Variants in SZRD1 observed in about 807,000 individuals in gnomAD.
SZRD1 encodes the protein SUZ RNA-binding domain-containing.
Under a neutral mutation model 17.6 loss-of-function variants are expected in SZRD1, and 7 were observed. The observed-to-expected ratio is 0.40, with a 90% CI of 0.23 to 0.75. SZRD1 has a LOEUF of 0.75. SZRD1 is among the 30% of genes least tolerant of loss of function. The probability of loss-of-function intolerance (pLI) is 0.38; values close to 1 mark genes in which losing one functional copy is unlikely to be tolerated. For synonymous variants in SZRD1, 77 were observed against 77.9 expected, an observed-to-expected ratio of 0.99 and a Z score of 0.06; for missense variants, 178 against 201.8, an observed-to-expected ratio of 0.88 and a Z score of 0.71.
Position 16,391,234 on chromosome 1 carries a change from C to G in SZRD1, c.52-141C>G. 1 of 665,510 alleles carries G rather than the reference C, an allele frequency of 1.5e-6. No individual in the cohort carries two copies. The highest frequency in any genetic ancestry group is 2.6e-6 in the Non-Finnish European group (1 of 382,356). The allele number at this position is 665,510 out of a possible 1,614,324, so 41.2% of individuals were successfully genotyped here. A position where few individuals can be genotyped will look rare whatever the true frequency, so the allele number is the denominator to read the frequency against. Reference sequence around the variant, plus strand: ...GTATCAGGTCCCCAAACCCCAAAATCTAGTCCACATTTGTTATGTTGAAGG... The same window carrying G: ...GTATCAGGTCCCCAAACCCCAAAATGTAGTCCACATTTGTTATGTTGAAGG... On this transcript the variant is annotated intron_variant, in intron 1 of 3. Transcript: ENST00000401088. This position sits in a 1 kb window ranked among gnomAD's most constrained non-coding sequence, Gnocchi z 4.3.
Position 16,393,308 on chromosome 1 carries a change from G to A in SZRD1, c.182G>A (p.Arg61His), listed in dbSNP as rs376599536. 6 of 1,613,990 alleles carry A rather than the reference G, an allele frequency of 3.7e-6. No homozygotes were observed. The highest frequency in any genetic ancestry group is 5.1e-6 in the Non-Finnish European group (6 of 1,180,024). ...CCCGCGGGGCCCCCTCCACAGATCC[G>A]CATCCTCAAGAGGCCCACCAGCAAC... ...SLPAGPPPQIRILKRPTSNGV... is the reference protein window; with the variant it reads ...SLPAGPPPQIHILKRPTSNGV... The change falls in exon 3 of 4, where the codon CGC (arginine) becomes CAC (histidine). Residue 61 changes from arginine to histidine, a missense_variant. Physicochemically the swap from Arg to His is conservative, Grantham distance 29. Around this residue, in one of 3 missense-constraint regions of SZRD1, gnomAD observed 117 missense variants for 108.7 expected, o/e 1.08. Transcript: ENST00000401088. This position sits in a 1 kb window ranked among gnomAD's most constrained non-coding sequence, Gnocchi z 5.6.
At chr1:16,394,572 G>A (rs1469891511) in intron 3 of SZRD1, among the ~76,000 whole-genome samples, 2 of 152,304 alleles carry the variant, frequency 1.3e-5, no homozygotes, top group East Asian at 1.9e-4. Context: ...TGCTCACAGG[G>A]GCCTCTCAAC....
intron 1 of SZRD1, among the ~76,000 whole-genome samples, chr1:16,386,624 T>C (rs962373021): frequency 6.6e-6 from 1 of 152,168 alleles, no homozygotes; most frequent in Non-Finnish European, 1.5e-5. Flanking sequence ...CTCCAGCTGC[T>C]GGCAGAGCAT....
rs1395846650 is a variant in SZRD1, at chr1:16,385,566, C to T, written c.52-5809C>T. 3.9e-5 allele frequency among the ~76,000 whole-genome samples: 6 copies of T among 152,242 alleles called. No individual in the cohort carries two copies. The South Asian group carries it at 8.3e-4, about 21-fold the overall frequency. ...TTTTTCCTTGTCATCGACCTCTTAACGTTACAGGAGTAAACCTACCACTGT... is the reference window on the plus strand; with the variant it reads ...TTTTTCCTTGTCATCGACCTCTTAATGTTACAGGAGTAAACCTACCACTGT... On this transcript the variant is annotated intron_variant, in intron 1 of 3. Coordinates refer to ENST00000401088, the MANE Select transcript of SZRD1 (RefSeq NM_001114600.3).
At chr1:16,370,715 C>CA (rs758296752) in intron 1 of SZRD1, among the ~76,000 whole-genome samples, 10 of 151,972 alleles carry the variant, frequency 6.6e-5, no homozygotes, top group Non-Finnish European at 1.3e-4. Flanking sequence ...TAGCTTACTG[C>CA]AACCTTGAAT....
At chr1:16,387,297 AAACCCTAG>A (rs1314113464) in intron 1 of SZRD1, 2 of 456,352 alleles carry the variant, frequency 4.4e-6, no homozygotes, top group African/African-American at 2.0e-5. Context: ...CATCTTCCTT[AAACCCTAG>A]AGGAAGAAGG....
At position 16,368,928 on chromosome 1, in the gene SZRD1, G is replaced by A. The variant is rs138519933; in HGVS notation, c.51+1620G>A. Among the ~76,000 whole-genome samples the A allele has an allele frequency of 4.9e-3, 745 of 152,304 alleles. 11 individuals are homozygous for A. Among genetic ancestry groups the A allele is most frequent in the African/African-American group, 0.017 (711 of 41,556 alleles). ...AAGTTGGAGGCAAATGAACAAAAATGAATAGGATTCAGCAGAAATTGGGGC... is the reference window on the plus strand; with the variant it reads ...AAGTTGGAGGCAAATGAACAAAAATAAATAGGATTCAGCAGAAATTGGGGC... On this transcript the variant is annotated intron_variant, in intron 1 of 3. Transcript: ENST00000401088.
intron 1 of SZRD1, among the ~76,000 whole-genome samples, chr1:16,371,712 C>T (rs1165061311): frequency 4.6e-5 from 7 of 151,920 alleles, no homozygotes; most frequent in South Asian, 2.1e-4. Context: ...CCGCCCGCCT[C>T]GGCCTCCCAA....
intron 1 of SZRD1, chr1:16,369,264 T>A: frequency 1.6e-6 from 1 of 617,122 alleles, no homozygotes; most frequent in East Asian, 2.7e-5. Flanking sequence ...TCTTCATATA[T>A]GTTTTGGTGA....
chr1:16,372,597 T>A (rs2100695552), intron 1 of SZRD1, among the ~76,000 whole-genome samples: 1 of 152,386 alleles, frequency 6.6e-6, no homozygotes, highest in African/African-American at 2.4e-5. Flanking sequence ...GATTTCCCTG[T>A]ATCTTGCAAG....
At chr1:16,379,011 G>A (rs2083049573) in intron 1 of SZRD1, among the ~76,000 whole-genome samples, 2 of 152,118 alleles carry the variant, frequency 1.3e-5, no homozygotes, top group Non-Finnish European at 2.9e-5. Flanking sequence ...ACAGGTGTGA[G>A]CCACTGTGCC....
intron 1 of SZRD1, among the ~76,000 whole-genome samples, chr1:16,372,427 C>T (rs1313979314): frequency 3.9e-5 from 6 of 152,040 alleles, no homozygotes; most frequent in South Asian, 2.1e-4. Context: ...GAGCAGAGAT[C>T]GCACCACTGC....
intron 1 of SZRD1, among the ~76,000 whole-genome samples, chr1:16,380,823 T>C (rs911792674): frequency 2.6e-5 from 4 of 152,082 alleles, no homozygotes; most frequent in African/African-American, 9.7e-5. Context: ...GCCAGGCTGG[T>C]CTCGAACTCC....
chr1:16,392,553 T>C (rs1468859916), intron 2 of SZRD1, among the ~76,000 whole-genome samples: 1 of 152,214 alleles, frequency 6.6e-6, no homozygotes, highest in East Asian at 1.9e-4. Context: ...AGGAGCATCC[T>C]TCACTCCAGC....
rs1011889760 is a variant in SZRD1, at chr1:16,395,322, C to A, written c.*182C>A. On this transcript the variant is annotated 3_prime_UTR_variant, in exon 4 of 4. Coordinates refer to ENST00000401088, the MANE Select transcript of SZRD1 (RefSeq NM_001114600.3). ...GAACCCCATGCACTGTGACCTCCCCCCTTCTCCCCCTTCCCACTGTGATTG... is the reference window on the plus strand; with the variant it reads ...GAACCCCATGCACTGTGACCTCCCCACTTCTCCCCCTTCCCACTGTGATTG... 1.1e-5 allele frequency: 7 copies of A among 637,462 alleles called. No individual in the cohort carries two copies. Among genetic ancestry groups the A allele is most frequent in the Non-Finnish European group, 2.0e-5 (7 of 341,878 alleles). The allele number at this position is 637,462 out of a possible 1,614,324, so 39.5% of individuals were successfully genotyped here.
chr1:16,375,981 C>T (rs1225551096), intron 1 of SZRD1, among the ~76,000 whole-genome samples: 1 of 152,182 alleles, frequency 6.6e-6, no homozygotes, highest in Non-Finnish European at 1.5e-5. Flanking sequence ...CGAACAAGCG[C>T]GCAGCCTGTG....
intron 1 of SZRD1, among the ~76,000 whole-genome samples, chr1:16,375,667 T>C (rs181966990): frequency 6.6e-6 from 1 of 152,276 alleles, no homozygotes; most frequent in Admixed American, 6.5e-5. Flanking sequence ...CCCATCACAG[T>C]AAGCCAGCCC....
chr1:16,379,387 G>A (rs1434521877), intron 1 of SZRD1, among the ~76,000 whole-genome samples: 1 of 152,208 alleles, frequency 6.6e-6, no homozygotes, highest in Non-Finnish European at 1.5e-5. Context: ...ACAGGCGTGA[G>A]CCACTACGCC....
chr1:16,384,399 A>G (rs2083154812), intron 1 of SZRD1, among the ~76,000 whole-genome samples: 1 of 151,912 alleles, frequency 6.6e-6, no homozygotes, highest in Non-Finnish European at 1.5e-5. Context: ...AAAGGGAAAA[A>G]GAAATGGCTA....
Sources: allele counts gnomAD v4.1 joint callset (sites outside exome capture counted in the v4.1 genomes callset), GRCh38; gene constraint gnomAD v4.1.1; regional missense constraint gnomAD v4.1.1; non-coding constraint Gnocchi (gnomAD v3.1); transcripts MANE v1.5; gene names NCBI Gene and HGNC (gene_info 2026-07-23, HGNC 2026-07-21).